Variants in A1CF observed in about 807,000 individuals in gnomAD.
A1CF encodes the protein APOBEC-1 stimulating protein.
Under a neutral mutation model 68.9 loss-of-function variants are expected in A1CF, and 48 were observed. The observed-to-expected ratio is 0.70, with a 90% CI of 0.55 to 0.89. The LOEUF is 0.89. Among genes scored for constraint, A1CF ranks in the 40% least tolerant of loss-of-function variants. The probability of loss-of-function intolerance (pLI) is 0.00; values close to 1 mark genes in which losing one functional copy is unlikely to be tolerated. For missense variants in A1CF, 653 were observed against 718.9 expected, an observed-to-expected ratio of 0.91 and a Z score of 1.05; for synonymous variants, 272 against 260.4, an observed-to-expected ratio of 1.04 and a Z score of -0.43.
chr10:50,856,452 T>C (rs766610524), intron 3 of A1CF, among the ~76,000 whole-genome samples: 6 of 152,104 alleles, frequency 3.9e-5, no homozygotes, highest in Non-Finnish European at 7.4e-5. Flanking sequence ...GCACTTCTGA[T>C]TCAACAGTCA....
At chr10:50,807,309 C>A (rs1483510656) in intron 12 of A1CF, among the ~76,000 whole-genome samples, 1 of 152,150 alleles carries the variant, frequency 6.6e-6, no homozygotes, top group African/African-American at 2.4e-5. Context: ...GGGACTGGTT[C>A]TCCTGTAACC....
chr10:50,838,197 G>C (rs1179700942), intron 5 of A1CF, among the ~76,000 whole-genome samples: 3 of 152,142 alleles, frequency 2.0e-5, no homozygotes, highest in Non-Finnish European at 4.4e-5. Context: ...GCTCTTGGTT[G>C]TGTGGCAGGT....
At chr10:50,862,308 G>A (rs1840784853) in intron 2 of A1CF, among the ~76,000 whole-genome samples, 1 of 152,008 alleles carries the variant, frequency 6.6e-6, no homozygotes, top group South Asian at 2.1e-4. Flanking sequence ...GAAGGTTGCA[G>A]TAAGCTGAGA....
intron 6 of A1CF, among the ~76,000 whole-genome samples, chr10:50,831,354 A>C (rs1839228059): frequency 6.6e-6 from 1 of 152,266 alleles, no homozygotes; most frequent in South Asian, 2.1e-4. Flanking sequence ...TTTACAAAGC[A>C]TACATTTGAT....
At position 50,820,577 on chromosome 10, in the gene A1CF, T is replaced by G; in HGVS notation, c.842A>C (p.Glu281Ala). ...CTTGCCATTTAAAGCTTTCATAGCC[T>G]CAACTGCATCTTCTCGGTTACTGAA... Reference protein sequence around the residue: ...VHFSNREDAVEAMKALNGKVL... With the variant: ...VHFSNREDAVAAMKALNGKVL... Residue 281 changes from glutamate to alanine, a missense_variant, in exon 8 of 13, where the codon GAG (glutamate) becomes GCG (alanine). Coordinates refer to ENST00000373997, the MANE Select transcript of A1CF (RefSeq NM_014576.4). 6.2e-7 allele frequency: 1 copy of G among 1,613,544 alleles called. No homozygotes were observed. Among genetic ancestry groups the G allele is most frequent in the Non-Finnish European group, 8.5e-7 (1 of 1,179,756 alleles).
intron 7 of A1CF, among the ~76,000 whole-genome samples, chr10:50,827,848 A>T (rs532829772): frequency 6.6e-6 from 1 of 152,298 alleles, no homozygotes; most frequent in African/African-American, 2.4e-5. Flanking sequence ...TGAATCCAGG[A>T]GCTGTTTTTT....
At chr10:50,833,562 G>A (rs997548639) in intron 6 of A1CF, among the ~76,000 whole-genome samples, 26 of 152,142 alleles carry the variant, frequency 1.7e-4, no homozygotes, top group African/African-American at 6.0e-4. Context: ...GACAACTATT[G>A]TCTCTCTGTC....
chr10:50,829,385 G>A (rs754581295), intron 6 of A1CF, among the ~76,000 whole-genome samples: 10 of 152,082 alleles, frequency 6.6e-5, no homozygotes, highest in African/African-American at 7.2e-5. Context: ...ACTTTATCCC[G>A]TAAGCAATAC....
intron 3 of A1CF, among the ~76,000 whole-genome samples, chr10:50,846,727 T>A (rs1840016681): frequency 6.6e-6 from 1 of 152,184 alleles, no homozygotes; most frequent in South Asian, 2.1e-4. Flanking sequence ...ATATGATGCA[T>A]ATAGGAAGAT....
chr10:50,849,825 G>T (rs1355321441), intron 3 of A1CF, among the ~76,000 whole-genome samples: 3 of 114,544 alleles, frequency 2.6e-5, no homozygotes, highest in Admixed American at 1.4e-4. Flanking sequence ...ACGGAGTCTC[G>T]CTCTGTCGCC....
chr10:50,810,736 T>G (rs113265268), intron 11 of A1CF, among the ~76,000 whole-genome samples: 9 of 152,178 alleles, frequency 5.9e-5, no homozygotes, highest in Non-Finnish European at 1.3e-4. Flanking sequence ...GGTCTCAAAC[T>G]CCCGACCTCA....
chr10:50,860,097 T>G (rs979042484), intron 2 of A1CF, 112 bp from the exon 3 acceptor site: 1 of 616,994 alleles, frequency 1.6e-6, no homozygotes. Context: ...TCATTAAAGT[T>G]AGAGCAACTA....
chr10:50,840,339 A>G (rs1326179253), intron 5 of A1CF, among the ~76,000 whole-genome samples: 1 of 151,748 alleles, frequency 6.6e-6, no homozygotes, highest in Non-Finnish European at 1.5e-5. Flanking sequence ...TAAGCACTGT[A>G]AAGTTGTTAT....
chr10:50,841,888 G>C lies in A1CF; in HGVS notation c.339C>G (p.Ile113Met). ...TAATTTCATAATTATTAAGTTGCTTGATTGCATTCTTGGCTTCCACTTTAT... is the reference window on the plus strand; with the variant it reads ...TAATTTCATAATTATTAAGTTGCTTCATTGCATTCTTGGCTTCCACTTTAT... ...FSNKVEAKNAIKQLNNYEIRN... is the reference protein window; with the variant it reads ...FSNKVEAKNAMKQLNNYEIRN... The change falls in exon 5 of 13, where the codon ATC becomes ATG. Residue 113 changes from isoleucine (I) to methionine (M), a missense_variant. Transcript: ENST00000373997. 1 of 1,613,198 alleles carries C rather than the reference G, an allele frequency of 6.2e-7. No homozygotes were observed. Among genetic ancestry groups the C allele is most frequent in the Non-Finnish European group, 8.5e-7 (1 of 1,179,696 alleles).
intron 3 of A1CF, among the ~76,000 whole-genome samples, chr10:50,850,163 G>C (rs1486087764): frequency 6.6e-6 from 1 of 152,036 alleles, no homozygotes; most frequent in Admixed American, 6.6e-5. Context: ...TGTATGATAT[G>C]GTTCTTCTAA....
rs1187928486 is a variant in A1CF, at chr10:50,885,121, G to C, written c.-94+460C>G. Among the ~76,000 whole-genome samples, 3 of 152,156 alleles carry C rather than the reference G, an allele frequency of 2.0e-5. No individual in the cohort carries two copies. The East Asian group carries it at 5.8e-4, about 29-fold the overall frequency. On this transcript the variant is annotated intron_variant, in intron 1 of 12. Coordinates refer to ENST00000373997, the MANE Select transcript of A1CF (RefSeq NM_014576.4). Reference sequence around the variant, plus strand: ...TTTTTATGGTGGTAGTAGCTCTGGAGATAATTGAATATATGAAGTCTAAAG... The same window carrying C: ...TTTTTATGGTGGTAGTAGCTCTGGACATAATTGAATATATGAAGTCTAAAG...
intron 1 of A1CF, among the ~76,000 whole-genome samples, chr10:50,872,136 A>T (rs183326846): frequency 1.3e-5 from 2 of 152,294 alleles, no homozygotes; most frequent in African/African-American, 4.8e-5. Context: ...AACATGATTT[A>T]AAAATGGTAA....
intron 8 of A1CF, 74 bp from the exon 9 acceptor site, chr10:50,816,353 A>T: frequency 6.9e-7 from 1 of 1,452,106 alleles, no homozygotes. Flanking sequence ...CCCTAATAAC[A>T]TGACTCCTTC....
At chr10:50,873,396 T>A (rs1841364822) in intron 1 of A1CF, among the ~76,000 whole-genome samples, 1 of 152,180 alleles carries the variant, frequency 6.6e-6, no homozygotes, top group Non-Finnish European at 1.5e-5. Context: ...CCCCAAGTGC[T>A]TCTCAAGACA....
Sources: gnomAD v4.1 joint callset for allele counts (sites outside exome capture counted in the v4.1 genomes callset) on GRCh38, gnomAD v4.1.1 for gene constraint, MANE v1.5 for transcripts, NCBI Gene and HGNC (gene_info 2026-07-23, HGNC 2026-07-21) for gene names.